The following TDRD12 variants were observed in gnomAD, a reference collection of about 807,000 sequenced individuals.
The protein encoded by TDRD12 is putative ATP-dependent RNA helicase TDRD12.
In TDRD12, 158 loss-of-function variants were observed where a neutral mutation model predicts 133.5. The ratio of observed to expected loss-of-function variants is 1.18; its 90% CI spans 1.04 to 1.35. TDRD12 has a LOEUF of 1.35. TDRD12 is among the 40% of genes most tolerant of loss of function. The pLI, the probability that TDRD12 is intolerant of heterozygous loss-of-function variation, is 0.00. For synonymous variants in TDRD12, 460 were observed against 477.9 expected (o/e 0.96, Z 0.49); for missense variants, 1,443 against 1,321.3 (o/e 1.09, Z -1.43).
At chr19:32,756,293 C>G (rs1969989971) in intron 7 of TDRD12, 112 bp downstream of exon 7, 2 of 927,114 alleles carry the variant, frequency 2.2e-6, no homozygotes, top group African/African-American at 3.5e-5. Flanking sequence ...GACTTGGACT[C>G]TGTTTAAAGT....
intron 2 of TDRD12, among the ~76,000 whole-genome samples, chr19:32,734,812 T>G (rs934620455): frequency 7.9e-5 from 12 of 152,182 alleles, no homozygotes; most frequent in African/African-American, 2.9e-4. Context: ...GGTCCTCACT[T>G]CATGTCTCTG....
chr19:32,748,532 G>C lies in TDRD12; in HGVS notation c.496+1G>C. The stretch of plus-strand genomic sequence containing the variant: ...CAGTACTTTCAGAACCTTCTGAAAG[G>C]TAAGCCAGTGCCTGATCACTGCAGC... On this transcript the variant is annotated splice_donor_variant, in intron 5 of 27. Coordinates refer to ENST00000444215, the Ensembl canonical transcript of TDRD12. LOFTEE classifies it high-confidence loss of function. 1 of 1,551,266 alleles carries C rather than the reference G, an allele frequency of 6.4e-7. No individual in the cohort carries two copies. The highest frequency in any genetic ancestry group is 8.7e-7 in the Non-Finnish European group (1 of 1,146,674).
intron 11 of TDRD12, among the ~76,000 whole-genome samples, chr19:32,784,142 C>G (rs1330064315): frequency 6.6e-6 from 1 of 151,966 alleles, no homozygotes; most frequent in Admixed American, 6.6e-5. Context: ...TCATAAATAC[C>G]TATTATGTTG....
intron 1 of TDRD12, among the ~76,000 whole-genome samples, chr19:32,729,184 T>C (rs2145425575): frequency 6.7e-6 from 1 of 148,672 alleles, no homozygotes; most frequent in South Asian, 2.1e-4. Flanking sequence ...TGGGTTCACT[T>C]TCTGGTGACT....
rs1269561041 is a variant in TDRD12, at chr19:32,821,083, AC to A, written c.3435del (p.Asp1145GlufsTer29). 6.5e-7 allele frequency: 1 copy of A among 1,535,984 alleles called. No individual in the cohort carries two copies. The highest frequency in any genetic ancestry group is 1.4e-5 in the African/African-American group (1 of 73,132). ...TGCCTGCAGAGCCCCCAGCCTGAGGACACGGGTGCAGAAGGAGGGGCTGAGT... is the reference window on the plus strand; with the variant it reads ...TGCCTGCAGAGCCCCCAGCCTGAGGAACGGGTGCAGAAGGAGGGGCTGAGT... On this transcript the variant is annotated frameshift_variant, in exon 28 of 28. Coordinates refer to ENST00000444215, the Ensembl canonical transcript of TDRD12. LOFTEE classifies it low-confidence loss of function (END_TRUNC).
intron 4 of TDRD12, among the ~76,000 whole-genome samples, chr19:32,746,553 T>G (rs932011370): frequency 5.5e-5 from 8 of 146,484 alleles, no homozygotes; most frequent in African/African-American, 2.0e-4. Flanking sequence ...AGAGACTGGC[T>G]GATGTGGTTA....
At chr19:32,766,131 G>T (rs941374591) in intron 8 of TDRD12, among the ~76,000 whole-genome samples, 21 of 152,138 alleles carry the variant, frequency 1.4e-4, no homozygotes, top group African/African-American at 4.8e-4. Context: ...GGGAGTTCTT[G>T]TAGGGAGCAT....
intron 1 of TDRD12, among the ~76,000 whole-genome samples, chr19:32,726,006 T>TATATATAACG (rs1968846317): frequency 6.6e-6 from 1 of 152,168 alleles, no homozygotes; most frequent in African/African-American, 2.4e-5. Context: ...ATATTTTTTA[T>TATATATAACG]TGTAAAAAAC....
rs376805848 is a variant in TDRD12, at chr19:32,777,364, C to T, written c.1121+135C>T. On this transcript the variant is annotated intron_variant, in intron 11 of 27. Coordinates refer to ENST00000444215, the Ensembl canonical transcript of TDRD12. ...AAAAAATAAATGTACAGTATATCTCCTGTAGGGTTTGAGGTTAATTTTTGC... is the reference window on the plus strand; with the variant it reads ...AAAAAATAAATGTACAGTATATCTCTTGTAGGGTTTGAGGTTAATTTTTGC... 3.4e-5 allele frequency: 20 copies of T among 584,896 alleles called. 1 individual carries two copies. The highest frequency in any genetic ancestry group is 2.1e-4 in the African/African-American group (11 of 51,488). 36.2% of individuals were successfully genotyped at this position (584,896 alleles called of 1,614,324 possible). A position where few individuals can be genotyped will look rare whatever the true frequency, so the allele number is the denominator to read the frequency against.
chr19:32,735,624 T>A (rs974008389), intron 2 of TDRD12, among the ~76,000 whole-genome samples: 1 of 152,228 alleles, frequency 6.6e-6, no homozygotes, highest in Non-Finnish European at 1.5e-5. Context: ...TTTCAATGTA[T>A]ACAAGACAGC....
chr19:32,755,406 G>A (rs1437984894), intron 6 of TDRD12, among the ~76,000 whole-genome samples: 1 of 152,224 alleles, frequency 6.6e-6, no homozygotes, highest in Non-Finnish European at 1.5e-5. Context: ...GGCTAAGTGT[G>A]CAGTAGCACC....
At chr19:32,773,580 C>A in intron 10 of TDRD12, 48 bp downstream of exon 10, 2 of 1,509,136 alleles carry the variant, frequency 1.3e-6, no homozygotes, top group South Asian at 1.2e-5. Context: ...TGCCTGTAGT[C>A]CCAGCTACTG....
At chr19:32,759,911 G>A (rs910585639) in intron 8 of TDRD12, among the ~76,000 whole-genome samples, 6 of 152,208 alleles carry the variant, frequency 3.9e-5, no homozygotes, top group African/African-American at 9.6e-5. Flanking sequence ...ATCGTGCAGC[G>A]TGCTTGGCTC....
chr19:32,827,166 G>C lies in TDRD12; in HGVS notation c.1053G>C (p.Ter351TyrextTer1), dbSNP rs150035525. ...GTTATAATATCTTACTCCTTTAGTA[G>C]TGAATTCTAAAAACCTGCCGTACAC... The change falls in exon 10 of 10, where the codon TAG (stop) becomes TAC (tyrosine). Residue 351 changes from the stop codon to tyrosine (Y), a stop_lost and splice_region_variant. Transcript: ENST00000637289. 9.5e-4 allele frequency: 1,161 copies of C among 1,222,572 alleles called. 8 individuals carry two copies. In the African/African-American group the frequency reaches 0.016, roughly 17 times the overall value. 75.7% of individuals were successfully genotyped at this position (1,222,572 alleles called of 1,614,324 possible).
chr19:32,792,777 G>C (rs1305646627), intron 13 of TDRD12, among the ~76,000 whole-genome samples: 1 of 152,218 alleles, frequency 6.6e-6, no homozygotes, highest in East Asian at 1.9e-4. Flanking sequence ...CATCTAAGTT[G>C]AGGGAATCTA....
At position 32,792,038 on chromosome 19, in the gene TDRD12, G is replaced by A. The variant is rs1971088663; in HGVS notation, c.1287+970G>A. ...AGGCAGGCAGATAACCTGAGGTCAA[G>A]AGTTTGAGACCAGCCTGGCCAACAT... On this transcript the variant is annotated intron_variant, in intron 13 of 27. Transcript: ENST00000444215. Among the ~76,000 whole-genome samples the A allele has an allele frequency of 3.3e-5, 5 of 151,946 alleles. No homozygotes were observed. The South Asian group carries it at 1.0e-3, about 32-fold the overall frequency.
chr19:32,749,297 T>C (rs1305198937), intron 5 of TDRD12, among the ~76,000 whole-genome samples: 2 of 152,242 alleles, frequency 1.3e-5, no homozygotes, highest in Admixed American at 6.5e-5. Context: ...CTCAGGCAAG[T>C]GACTTAGCCT....
At chr19:32,776,870 T>TG (rs781670026) in intron 10 of TDRD12, among the ~76,000 whole-genome samples, 3 of 152,288 alleles carry the variant, frequency 2.0e-5, no homozygotes, top group East Asian at 3.9e-4. Flanking sequence ...TTTTCAGGAT[T>TG]GGGGTAAAGG....
intron 26 of TDRD12, among the ~76,000 whole-genome samples, chr19:32,817,202 T>A (rs1967209829): frequency 6.6e-6 from 1 of 152,218 alleles, no homozygotes; most frequent in African/African-American, 2.4e-5. Context: ...ATTCTCAGTG[T>A]TGTGCAACCA....
Sources: allele counts gnomAD v4.1 joint callset (sites outside exome capture counted in the v4.1 genomes callset), GRCh38; gene constraint gnomAD v4.1.1; transcripts MANE v1.5; gene names NCBI Gene and HGNC (gene_info 2026-07-23, HGNC 2026-07-21).